The following MINDY2 variants were observed in gnomAD, a reference collection of about 807,000 sequenced individuals.
MINDY2 encodes MINDY lysine 48 deubiquitinase 2, also known as ubiquitin carboxyl-terminal hydrolase MINDY-2.
MINDY2 carries 52 observed loss-of-function variants against 68.2 expected under a neutral mutation model. The observed-to-expected ratio is 0.76, with a 90% CI of 0.61 to 0.96. The LOEUF is 0.96. Ranked by LOEUF, MINDY2 falls within the 40% of genes least tolerant of loss-of-function variation. The pLI, the probability that MINDY2 is intolerant of heterozygous loss-of-function variation, is 0.00. For missense variants in MINDY2, 881 were observed against 773.4 expected (o/e 1.14, Z -1.65); for synonymous variants, 372 against 303.0 (o/e 1.23, Z -2.36).
Position 58,772,132 on chromosome 15 carries a change from A to G in MINDY2, c.737A>G (p.Lys246Arg). 6.2e-7 allele frequency: 1 copy of G among 1,614,138 alleles called. No individual in the cohort carries two copies. Among genetic ancestry groups the G allele is most frequent in the Non-Finnish European group, 8.5e-7 (1 of 1,180,028 alleles). Residue 246 changes from lysine to arginine, a missense_variant, in exon 1 of 9, where the codon AAG becomes AGG. Coordinates refer to ENST00000559228, the MANE Select transcript of MINDY2 (RefSeq NM_001040450.3). ...RFPGQSVYHI[K>R]WIQWKEENTP... Reference sequence around the variant, plus strand: ...CCGGGACAATCTGTGTATCACATCAAGTGGATCCAGTGGAAGGAAGAGAAC... The same window carrying G: ...CCGGGACAATCTGTGTATCACATCAGGTGGATCCAGTGGAAGGAAGAGAAC...
rs1020764778 is a variant in MINDY2 at position 58,853,022 on chromosome 15, G to T, written c.1737+1057G>T. 5.9e-5 allele frequency among the ~76,000 whole-genome samples: 2 copies of T among 33,810 alleles called. 1 individual carries two copies. Among genetic ancestry groups the T allele is most frequent in the African/African-American group, 1.1e-4 (2 of 17,538 alleles). The allele number at this position is 33,810 out of a possible 152,430, so 22.2% of individuals were successfully genotyped here. ...GGCTGGAGTGCAGTGGCGCAGTCTC[G>T]CTCATTGCCAACCTCTGCTTCCTGG... On this transcript the variant is annotated intron_variant, in intron 8 of 8. Transcript: ENST00000559228.
At chr15:58,825,393 C>A (rs2031329674) in intron 5 of MINDY2, among the ~76,000 whole-genome samples, 1 of 151,950 alleles carries the variant, frequency 6.6e-6, no homozygotes, top group African/African-American at 2.4e-5. Context: ...TTTTTATTTT[C>A]TACTTCTTTT....
At chr15:58,814,601 A>G (rs2030548693) in intron 4 of MINDY2, among the ~76,000 whole-genome samples, 3 of 136,646 alleles carry the variant, frequency 2.2e-5, no homozygotes, top group African/African-American at 3.0e-5. Context: ...CTGGTCTCGA[A>G]CTCCTGGGCT....
chr15:58,807,957 C>T (rs1208212319), intron 3 of MINDY2, among the ~76,000 whole-genome samples: 1 of 152,060 alleles, frequency 6.6e-6, no homozygotes, highest in Non-Finnish European at 1.5e-5. Context: ...GTGTCATTTT[C>T]AAGGAGGCCT....
In MINDY2 at chr15:58,859,741, T is replaced by G. The variant is rs1185714749; in HGVS notation, c.*5131T>G. 1.3e-5 allele frequency: 2 copies of G among 152,240 alleles called. No homozygotes were observed. Among genetic ancestry groups the G allele is most frequent in the African/African-American group, 4.8e-5 (2 of 41,470 alleles). 9.4% of individuals were successfully genotyped at this position (152,240 alleles called of 1,614,324 possible). On this transcript the variant is annotated 3_prime_UTR_variant, in exon 9 of 9. Coordinates refer to ENST00000559228, the MANE Select transcript of MINDY2 (RefSeq NM_001040450.3). ...TCTAAATTTTAGTTCATGCATGTTC[T>G]TACTTAATCCTGGTGTTTTTGCTCT...
intron 2 of MINDY2, among the ~76,000 whole-genome samples, chr15:58,799,355 C>T (rs1399449011): frequency 2.6e-5 from 4 of 152,050 alleles, no homozygotes; most frequent in South Asian, 2.1e-4. Flanking sequence ...ATCACGAGGT[C>T]GGGAGATCGA....
At chr15:58,788,277 G>A (rs1400710166) in intron 2 of MINDY2, among the ~76,000 whole-genome samples, 2 of 152,176 alleles carry the variant, frequency 1.3e-5, no homozygotes, top group Non-Finnish European at 2.9e-5. Flanking sequence ...TGTAGAAAGT[G>A]TTCAAAAATA....
intron 6 of MINDY2, among the ~76,000 whole-genome samples, chr15:58,832,583 A>T (rs1266351756): frequency 2.0e-5 from 3 of 149,794 alleles, no homozygotes; most frequent in African/African-American, 7.4e-5. Context: ...AGGCTGGAGT[A>T]CAATGGCGTG....
At chr15:58,841,228 C>T (rs1388627910) in intron 6 of MINDY2, among the ~76,000 whole-genome samples, 1 of 151,746 alleles carries the variant, frequency 6.6e-6, no homozygotes, top group Non-Finnish European at 1.5e-5. Flanking sequence ...AGTGATCCAC[C>T]CACCTCAGCC....
At chr15:58,827,741 C>T (rs964537566) in intron 5 of MINDY2, among the ~76,000 whole-genome samples, 5 of 152,052 alleles carry the variant, frequency 3.3e-5, no homozygotes, top group Non-Finnish European at 7.4e-5. Context: ...CATGAGCCAC[C>T]GTGCCTGGCC....
chr15:58,811,120 T>C (rs1233803822), intron 4 of MINDY2, among the ~76,000 whole-genome samples: 1 of 152,238 alleles, frequency 6.6e-6, no homozygotes, highest in African/African-American at 2.4e-5. Context: ...GTCACTCCTA[T>C]TGGTACAGCA....
At chr15:58,840,494 G>T (rs1232765166) in intron 6 of MINDY2, among the ~76,000 whole-genome samples, 2 of 151,614 alleles carry the variant, frequency 1.3e-5, no homozygotes, top group Admixed American at 6.6e-5. Context: ...TCTATCTATT[G>T]GCAACAAATA....
At chr15:58,782,853 G>T (rs1595703557) in intron 1 of MINDY2, among the ~76,000 whole-genome samples, 1 of 148,778 alleles carries the variant, frequency 6.7e-6, no homozygotes, top group Middle Eastern at 3.5e-3. Context: ...GAGGATTCAG[G>T]TAACATAAAA....
At position 58,854,512 on chromosome 15, in the gene MINDY2, A is replaced by T; in HGVS notation, c.1768A>T (p.Ser590Cys). 4 of 1,613,922 alleles carry T rather than the reference A, an allele frequency of 2.5e-6. No homozygotes were observed. Among genetic ancestry groups the T allele is most frequent in the Middle Eastern group, 1.7e-4 (1 of 6,060 alleles). Residue 590 changes from serine to cysteine, a missense_variant, in exon 9 of 9, where the codon AGT becomes TGT. Ser to Cys is a moderately radical substitution (Grantham distance 112, BLOSUM62 -1). Transcript: ENST00000559228. ...QGQPAQASPS[S>C]GRQSGNSERK... The stretch of plus-strand genomic sequence containing the variant: ...CCAGCCAGCACAAGCCTCTCCATCA[A>T]GTGGAAGACAATCTGGGAATAGTGA...
chr15:58,808,265 A>G (rs921588023), intron 3 of MINDY2, among the ~76,000 whole-genome samples: 5 of 152,112 alleles, frequency 3.3e-5, no homozygotes, highest in Non-Finnish European at 7.4e-5. Context: ...TTGGTTCTGT[A>G]TATTCTGTGG....
intron 1 of MINDY2, among the ~76,000 whole-genome samples, chr15:58,784,054 A>G (rs796709849): frequency 6.6e-6 from 1 of 152,114 alleles, no homozygotes; most frequent in Non-Finnish European, 1.5e-5. Context: ...GGCCGAGTGC[A>G]GTGGCTCACA....
chr15:58,772,392 A>C (rs1595691054), intron 1 of MINDY2, among the ~76,000 whole-genome samples, 157 bp downstream of exon 1: 6 of 152,314 alleles, frequency 3.9e-5, no homozygotes, highest in Admixed American at 1.3e-4. Context: ...TTGAAGGAAT[A>C]TTCCTTTATA....
chr15:58,848,707 C>G (rs994341202), intron 7 of MINDY2, among the ~76,000 whole-genome samples: 1 of 152,174 alleles, frequency 6.6e-6, no homozygotes, highest in African/African-American at 2.4e-5. Flanking sequence ...GATCGTGCCA[C>G]TGCACTCCAG....
chr15:58,850,847 A>T (rs1364504203), intron 7 of MINDY2, among the ~76,000 whole-genome samples: 1 of 152,084 alleles, frequency 6.6e-6, no homozygotes, highest in Non-Finnish European at 1.5e-5. Flanking sequence ...TCAGCCTCCC[A>T]AAGTTCAGGG....
Sources: allele counts gnomAD v4.1 joint callset (sites outside exome capture counted in the v4.1 genomes callset), GRCh38; gene constraint gnomAD v4.1.1; transcripts MANE v1.5; gene names NCBI Gene and HGNC (gene_info 2026-07-23, HGNC 2026-07-21).